The following PYHIN1 variants were observed in gnomAD, a reference collection of about 807,000 sequenced individuals.
PYHIN1 encodes the protein pyrin and HIN domain-containing protein 1.
PYHIN1 carries 32 observed loss-of-function variants against 43.7 expected under a neutral mutation model. The observed-to-expected ratio is 0.73, with a 90% confidence interval of 0.55 to 0.98. The LOEUF is 0.98. PYHIN1 is among the 50% of genes least tolerant of loss of function. PYHIN1 has a pLI of 0.00. For synonymous variants in PYHIN1, 205 were observed against 203.1 expected, an observed-to-expected ratio of 1.01 and a Z score of -0.08; for missense variants, 588 against 589.5, an observed-to-expected ratio of 1.00 and a Z score of 0.03.
At chr1:158,972,025 G>A (rs1408983786) in intron 7 of PYHIN1, among the ~76,000 whole-genome samples, 1 of 152,088 alleles carries the variant, frequency 6.6e-6, no homozygotes, top group Non-Finnish European at 1.5e-5. Context: ...GATACGTATA[G>A]ATATAGAGGC....
rs140119262 is a variant in PYHIN1, at chr1:158,937,081, A to G, written c.171A>G (p.Pro57=). ...QIADLMEEKF[P]GDAGLGKLIE... Reference sequence around the variant, plus strand: ...CTGACTTGATGGAGGAAAAGTTCCCAGGTGATGCCGGTTTGGGCAAACTAA... The same window carrying G: ...CTGACTTGATGGAGGAAAAGTTCCCGGGTGATGCCGGTTTGGGCAAACTAA... Residue 57 remains proline, a synonymous_variant, in exon 2 of 9, where the codon CCA becomes CCG. Coordinates refer to ENST00000368140, the MANE Select transcript of PYHIN1 (RefSeq NM_152501.5). The G allele has an allele frequency of 3.0e-4, 478 of 1,614,210 alleles. 2 individuals are homozygous for G. The East Asian group carries it at 5.8e-3, about 20-fold the overall frequency.
chr1:158,943,575 G>A (rs952601664), intron 5 of PYHIN1, among the ~76,000 whole-genome samples: 6 of 152,132 alleles, frequency 3.9e-5, no homozygotes, highest in Non-Finnish European at 8.8e-5. Context: ...CTCTAGAACT[G>A]TAATAGAAAT....
chr1:158,973,736 T>C lies in PYHIN1; in HGVS notation c.1449T>C (p.Thr483=). The C allele has an allele frequency of 6.2e-7, 1 of 1,613,120 alleles. No individual in the cohort carries two copies. Among genetic ancestry groups the C allele is most frequent in the Non-Finnish European group, 8.5e-7 (1 of 1,179,424 alleles). The change falls in exon 8 of 9, where the codon ACT becomes ACC. Residue 483 remains threonine (T), a synonymous_variant. Coordinates refer to ENST00000368140, the MANE Select transcript of PYHIN1 (RefSeq NM_152501.5). ...TGGCCCCTCCTCTTTCTTCTGACAC[T>C]TCCACCAACCGCCATCCAGCAGTTC... The part of the protein sequence containing the change: ...PTVAPPLSSD[T]STNRHPAVP
At chr1:158,932,455 T>C (rs2101633642) in intron 1 of PYHIN1, among the ~76,000 whole-genome samples, 1 of 152,122 alleles carries the variant, frequency 6.6e-6, no homozygotes, top group Admixed American at 6.5e-5. Flanking sequence ...GAACCTAAAA[T>C]GAAAGTAGAA....
At chr1:158,944,589 A>G (rs946846782) in intron 6 of PYHIN1, among the ~76,000 whole-genome samples, 27 of 152,244 alleles carry the variant, frequency 1.8e-4, no homozygotes, top group Admixed American at 1.2e-3. Context: ...AAGACAGGTA[A>G]CAAGCAGCCC....
chr1:158,967,363 G>T (rs772505558), intron 7 of PYHIN1, among the ~76,000 whole-genome samples: 1 of 151,552 alleles, frequency 6.6e-6, no homozygotes, highest in South Asian at 2.1e-4. Flanking sequence ...AGCTTGGAGA[G>T]GTTAGGCAAT....
intron 7 of PYHIN1, among the ~76,000 whole-genome samples, chr1:158,957,029 T>A (rs1649982606): frequency 6.8e-6 from 1 of 147,176 alleles, no homozygotes; most frequent in East Asian, 2.0e-4. Context: ...ATAAAATACC[T>A]AGGAATCCAA....
At chr1:158,986,755 G>A in the PYHIN1 span, among the ~76,000 whole-genome samples, 4 of 152,162 alleles carry the variant, frequency 2.6e-5, no homozygotes, top group South Asian at 2.1e-4. Context: ...AGGGATGGGC[G>A]TCCATGTCCA....
chr1:158,977,906 C>T (rs546651414), downstream of PYHIN1, among the ~76,000 whole-genome samples: 11 of 152,168 alleles, frequency 7.2e-5, no homozygotes, highest in Admixed American at 3.3e-4. Context: ...ATGAATAAGA[C>T]GGATTCCACC....
rs887815403 is a variant in PYHIN1 at position 158,937,169 on chromosome 1, T to A, written c.259T>A (p.Leu87Ile). The A allele has an allele frequency of 3.2e-6, 5 of 1,579,716 alleles. No homozygotes were observed. Among genetic ancestry groups the A allele is most frequent in the Non-Finnish European group, 4.3e-6 (5 of 1,165,406 alleles). ...DLAETLKREK[L>I]KVANKIESIP... ...TGCTGAAACTCTTAAAAGAGAAAAG[T>A]TAAAAGGTAATTGGGAAGAGGGAAC... The change falls in exon 2 of 9, where the codon TTA becomes ATA. Residue 87 changes from leucine (L) to isoleucine (I), a missense_variant. Leu to Ile is a conservative substitution (Grantham distance 5). Transcript: ENST00000368140.
chr1:158,940,793 C>T (rs1385561110), intron 4 of PYHIN1, among the ~76,000 whole-genome samples: 3 of 152,154 alleles, frequency 2.0e-5, no homozygotes, highest in East Asian at 1.9e-4. Context: ...ATTAACTTTA[C>T]GTGAAATTCC....
intron 7 of PYHIN1, among the ~76,000 whole-genome samples, chr1:158,952,598 G>A (rs185848702): frequency 2.0e-5 from 3 of 152,134 alleles, no homozygotes; most frequent in African/African-American, 7.2e-5. Flanking sequence ...AAGTGGTAAG[G>A]CAGGTGATGG....
At chr1:158,955,590 C>A (rs1463079256) in intron 7 of PYHIN1, among the ~76,000 whole-genome samples, 1 of 144,162 alleles carries the variant, frequency 6.9e-6, no homozygotes, top group East Asian at 2.0e-4. Context: ...ATCTCTGGGA[C>A]GCATTCAAAG....
intron 4 of PYHIN1, chr1:158,939,609 A>T (rs1014648798): frequency 6.5e-6 from 8 of 1,233,066 alleles, no homozygotes; most frequent in African/African-American, 1.5e-5. Context: ...TTCCTTTAGG[A>T]TTTTCACACA....
downstream of PYHIN1, among the ~76,000 whole-genome samples, chr1:158,979,793 A>C (rs770106974): frequency 2.6e-5 from 4 of 152,150 alleles, no homozygotes; most frequent in African/African-American, 9.7e-5. Flanking sequence ...AATACATTAC[A>C]TGTTGCTGGG....
chr1:158,943,333 T>TAA (rs1649036186), intron 5 of PYHIN1, among the ~76,000 whole-genome samples: 1 of 152,170 alleles, frequency 6.6e-6, no homozygotes, highest in Admixed American at 6.5e-5. Context: ...AGAGATTCAG[T>TAA]AAATGGAGAA....
intron 7 of PYHIN1, among the ~76,000 whole-genome samples, chr1:158,958,235 A>T (rs887131296): frequency 1.3e-5 from 2 of 151,646 alleles, no homozygotes; most frequent in African/African-American, 4.8e-5. Context: ...ATACCATTTG[A>T]CCCAGGCATC....
intron 7 of PYHIN1, among the ~76,000 whole-genome samples, chr1:158,964,659 A>G (rs1650519790): frequency 6.6e-6 from 1 of 152,194 alleles, no homozygotes; most frequent in Non-Finnish European, 1.5e-5. Flanking sequence ...TGAAAAAGAA[A>G]TGAGATCCTT....
At chr1:158,963,044 C>G (rs1265193366) in intron 7 of PYHIN1, among the ~76,000 whole-genome samples, 1 of 152,154 alleles carries the variant, frequency 6.6e-6, no homozygotes, top group Non-Finnish European at 1.5e-5. Context: ...CCCCACTCCT[C>G]AACGAGCTGA....
Sources: allele counts gnomAD v4.1 joint callset (sites outside exome capture counted in the v4.1 genomes callset), GRCh38; gene constraint gnomAD v4.1.1; transcripts MANE v1.5; gene names NCBI Gene and HGNC (gene_info 2026-07-23, HGNC 2026-07-21).